SLFN12: variants seen among roughly 807,000 people sequenced by gnomAD.
SLFN12 encodes ribonuclease SLFN12.
Under a neutral mutation model 29.1 loss-of-function variants are expected in SLFN12, and 25 were observed. The observed-to-expected ratio is 0.86, with a 90% CI of 0.63 to 1.20. The LOEUF is 1.20. Ranked by LOEUF, SLFN12 falls within the 50% of genes most tolerant of loss-of-function variation. The probability of loss-of-function intolerance (pLI) is 0.00; values close to 1 mark genes in which losing one functional copy is unlikely to be tolerated. For synonymous variants in SLFN12, 257 were observed against 238.7 expected, an observed-to-expected ratio of 1.08 and a Z score of -0.71; for missense variants, 660 against 666.2, an observed-to-expected ratio of 0.99 and a Z score of 0.10.
rs1209654884 is a variant in SLFN12, at chr17:35,420,280, A to G, written c.1141T>C (p.Cys381Arg). ...GAAGCCAGAATGAAATTACCTGGAC[A>G]GTGATGTCTCTGCCGTTGCCATTCC... ...LLEWQRQRHH[C>R]PGLSGRITYT... The change falls in exon 3 of 4, where the codon TGT becomes CGT. Residue 381 changes from cysteine (C) to arginine (R), a missense_variant. Transcript: ENST00000304905. 11 of 1,610,032 alleles carry G rather than the reference A, an allele frequency of 6.8e-6. No homozygotes were observed. In the East Asian group the frequency reaches 2.5e-4, roughly 36 times the overall value.
rs1276636215 is a variant in SLFN12, at chr17:35,425,638, T to C, written c.-40-2570A>G. On this transcript the variant is annotated intron_variant, in intron 1 of 3. Coordinates refer to ENST00000304905, the MANE Select transcript of SLFN12 (RefSeq NM_018042.5). ...AGGCTAATTAGTATTTTATTATCTA[T>C]ATGTACCACTTTTTCTTTATCCATT... Among the ~76,000 whole-genome samples, 33 of 151,966 alleles carry C rather than the reference T, an allele frequency of 2.2e-4. 1 individual carries two copies.
chr17:35,432,696 G>T (rs1159805882), upstream of SLFN12, among the ~76,000 whole-genome samples: 1 of 152,008 alleles, frequency 6.6e-6, no homozygotes, highest in East Asian at 1.9e-4. Context: ...GGGCTACAAA[G>T]GAAGTTTGTG....
At chr17:35,425,406 C>T (rs891158321) in intron 1 of SLFN12, among the ~76,000 whole-genome samples, 1 of 152,040 alleles carries the variant, frequency 6.6e-6, no homozygotes, top group Admixed American at 6.5e-5. Context: ...CATTTTGTAA[C>T]CTTTAACCAA....
intron 3 of SLFN12, among the ~76,000 whole-genome samples, chr17:35,414,704 A>G (rs1328110492): frequency 6.6e-6 from 1 of 152,122 alleles, no homozygotes; most frequent in Non-Finnish European, 1.5e-5. Flanking sequence ...ACAAATTAGT[A>G]CTGCTATACA....
At chr17:35,421,910 T>C (rs1190633702) in intron 2 of SLFN12, 80 bp downstream of exon 2, 2 of 1,517,514 alleles carry the variant, frequency 1.3e-6, no homozygotes, top group South Asian at 1.3e-5. Context: ...GGACTATTGA[T>C]CTTGCCCCAG....
At chr17:35,427,702 A>G (rs1057203281) in intron 1 of SLFN12, among the ~76,000 whole-genome samples, 1 of 152,190 alleles carries the variant, frequency 6.6e-6, no homozygotes, top group African/African-American at 2.4e-5. Flanking sequence ...TATTAACTGC[A>G]TAATTTCATA....
intron 3 of SLFN12, among the ~76,000 whole-genome samples, chr17:35,415,144 T>A (rs1489444446): frequency 6.6e-6 from 1 of 152,092 alleles, no homozygotes; most frequent in African/African-American, 2.4e-5. Flanking sequence ...CAAAACAGCA[T>A]GGTTCTGATA....
chr17:35,424,274 T>G (rs575066174), intron 1 of SLFN12, among the ~76,000 whole-genome samples: 3 of 152,266 alleles, frequency 2.0e-5, no homozygotes, highest in African/African-American at 7.2e-5. Flanking sequence ...TTAAGAAGTG[T>G]GACTTAAGTT....
In SLFN12 at chr17:35,411,274, C is replaced by A; in HGVS notation, c.*64G>T. The A allele has an allele frequency of 1.7e-6, 2 of 1,187,304 alleles. No homozygotes were observed. Among genetic ancestry groups the A allele is most frequent in the Non-Finnish European group, 1.2e-6 (1 of 866,640 alleles). 73.5% of individuals were successfully genotyped at this position (1,187,304 alleles called of 1,614,324 possible). ...CAAAGTTTTCAAAGAAATATTTTCA[C>A]AGAATTAGAGAATGTTATCAAATAT... On this transcript the variant is annotated 3_prime_UTR_variant, in exon 4 of 4. Transcript: ENST00000304905.
chr17:35,423,797 G>C (rs2142044595), intron 1 of SLFN12, among the ~76,000 whole-genome samples: 1 of 152,226 alleles, frequency 6.6e-6, no homozygotes, highest in African/African-American at 2.4e-5. Flanking sequence ...CAGGTTATGA[G>C]GGTGAAGCCC....
rs773429047 is a variant in SLFN12 at position 35,423,080 on chromosome 17, A to G, written c.-40-12T>C. 9.1e-6 allele frequency: 14 copies of G among 1,546,248 alleles called. No homozygotes were observed. In the South Asian group the frequency reaches 1.5e-4, roughly 17 times the overall value. On this transcript the variant is annotated splice_polypyrimidine_tract_variant and intron_variant, in intron 1 of 3. Coordinates refer to ENST00000304905, the MANE Select transcript of SLFN12 (RefSeq NM_018042.5). ...GCAGAAATTCTTTTCTGTAAAATAGACAGAGCCATTAGAATAGGACCTGAA... is the reference window on the plus strand; with the variant it reads ...GCAGAAATTCTTTTCTGTAAAATAGGCAGAGCCATTAGAATAGGACCTGAA...
intron 1 of SLFN12, among the ~76,000 whole-genome samples, chr17:35,424,897 A>C (rs73293348): frequency 0.024 from 3,635 of 152,210 alleles, 150 homozygotes; most frequent in African/African-American, 0.083. Flanking sequence ...TGAAACTTGT[A>C]TATATTGTGG....
rs1911717566 is a variant in SLFN12, at chr17:35,422,338, T to C, written c.691A>G (p.Asn231Asp). 38 of 1,614,032 alleles carry C rather than the reference T, an allele frequency of 2.4e-5. No individual in the cohort carries two copies. Among genetic ancestry groups the C allele is most frequent in the Non-Finnish European group, 3.1e-5 (37 of 1,179,978 alleles). Reference protein sequence around the residue: ...ILPQYVSAFANTDGGYLFIGL... With the variant: ...ILPQYVSAFADTDGGYLFIGL... ...ATGAACAAATATCCTCCATCAGTAT[T>C]TGCAAATGCAGAAACATATTGAGGG... Residue 231 changes from asparagine to aspartate, a missense_variant, in exon 2 of 4, where the codon AAT becomes GAT. By Grantham distance (23) the Asn-to-Asp change is conservative. Transcript: ENST00000304905.
chr17:35,428,334 T>C (rs1454209913), intron 1 of SLFN12, among the ~76,000 whole-genome samples: 1 of 152,130 alleles, frequency 6.6e-6, no homozygotes, highest in Non-Finnish European at 1.5e-5. Context: ...GAGGATATGG[T>C]ATAAAAGCTA....
chr17:35,426,056 A>G (rs1912005512), intron 1 of SLFN12, among the ~76,000 whole-genome samples: 1 of 150,374 alleles, frequency 6.7e-6, no homozygotes, highest in Non-Finnish European at 1.5e-5. Flanking sequence ...AGTAATGTTG[A>G]GCATTATTTC....
intron 2 of SLFN12, among the ~76,000 whole-genome samples, chr17:35,421,025 T>C (rs1049601932): frequency 6.6e-5 from 10 of 151,698 alleles, no homozygotes; most frequent in Non-Finnish European, 1.3e-4. Flanking sequence ...CTGGCCAACA[T>C]GGTGAAACTC....
In SLFN12 at chr17:35,422,476, A is replaced by G. The variant is rs761031085; in HGVS notation, c.553T>C (p.Phe185Leu). Reference sequence around the variant, plus strand: ...TTCCGATCAAGTTCTGTTCTATCAAAAAAAACCCCGGCCAAGGCCTTCATG... The same window carrying G: ...TTCCGATCAAGTTCTGTTCTATCAAGAAAAACCCCGGCCAAGGCCTTCATG... ...NNMKALAGVF[F>L]DRTELDRKEK... Residue 185 changes from phenylalanine (F) to leucine (L), a missense_variant, in exon 2 of 4, where the codon TTT (phenylalanine) becomes CTT (leucine). Phe to Leu is a conservative substitution (Grantham distance 22). Coordinates refer to ENST00000304905, the MANE Select transcript of SLFN12 (RefSeq NM_018042.5). 1 of 1,612,184 alleles carries G rather than the reference A, an allele frequency of 6.2e-7. No individual in the cohort carries two copies. Among genetic ancestry groups the G allele is most frequent in the Non-Finnish European group, 8.5e-7 (1 of 1,179,554 alleles).
At chr17:35,427,220 T>G (rs1912066601) in intron 1 of SLFN12, among the ~76,000 whole-genome samples, 1 of 152,144 alleles carries the variant, frequency 6.6e-6, no homozygotes. Context: ...ACCATGAAAT[T>G]TCCTACAGTT....
At position 35,422,066 on chromosome 17, in the gene SLFN12, G is replaced by T. The variant is rs1165065565; in HGVS notation, c.963C>A (p.Ser321=). ...CCAVFAKEPD[S]WHVKDNRVMQ... is the part of the protein sequence containing the mutation. ...TCACACGGTTATCTTTCACATGCCA[G>T]GAATCAGGCTCTTTAGCAAACACTG... Residue 321 remains serine, a synonymous_variant, in exon 2 of 4, where the codon TCC becomes TCA. Coordinates refer to ENST00000304905, the MANE Select transcript of SLFN12 (RefSeq NM_018042.5). The T allele has an allele frequency of 6.2e-7, 1 of 1,614,066 alleles. No homozygotes were observed. Among genetic ancestry groups the T allele is most frequent in the Admixed American group, 1.7e-5 (1 of 60,020 alleles).
Sources: allele counts gnomAD v4.1 joint callset (sites outside exome capture counted in the v4.1 genomes callset), GRCh38; gene constraint gnomAD v4.1.1; transcripts MANE v1.5; gene names NCBI Gene and HGNC (gene_info 2026-07-23, HGNC 2026-07-21).